The following PTPRK variants were observed in gnomAD, a reference collection of about 807,000 sequenced individuals.
PTPRK encodes the protein receptor-type tyrosine-protein phosphatase kappa.
In PTPRK, 75 loss-of-function variants were observed where a neutral mutation model predicts 178.0. The ratio of observed to expected loss-of-function variants is 0.42; its 90% CI spans 0.35 to 0.51. The LOEUF (loss-of-function observed/expected upper bound fraction) is 0.51. Among genes scored for constraint, PTPRK ranks in the 20% least tolerant of loss-of-function variants. The probability of loss-of-function intolerance (pLI) is 0.02; values close to 1 mark genes in which losing one functional copy is unlikely to be tolerated. For missense variants in PTPRK, 1,441 were observed against 1,797.8 expected, an observed-to-expected ratio of 0.80 and a Z score of 3.59; for synonymous variants, 637 against 620.6, an observed-to-expected ratio of 1.03 and a Z score of -0.39.
At chr6:128,215,473 T>C (rs965516554) in intron 6 of PTPRK, among the ~76,000 whole-genome samples, 3 of 152,230 alleles carry the variant, frequency 2.0e-5, no homozygotes, top group Non-Finnish European at 2.9e-5. Context: ...CTCATCTCTA[T>C]AAAAACTTCT....
intron 1 of PTPRK, among the ~76,000 whole-genome samples, chr6:128,410,772 A>G (rs1842215960): frequency 6.6e-6 from 1 of 152,120 alleles, no homozygotes; most frequent in African/African-American, 2.4e-5. Flanking sequence ...CTGGTGTAGA[A>G]GTCACAGGGG....
At position 128,337,906 on chromosome 6, in the gene PTPRK, G is replaced by T. The variant is rs184051500; in HGVS notation, c.224-15596C>A. 3.8e-3 allele frequency among the ~76,000 whole-genome samples: 586 copies of T among 152,238 alleles called. 2 individuals carry two copies. The highest frequency in any genetic ancestry group is 0.013 in the African/African-American group (546 of 41,550). On this transcript the variant is annotated intron_variant, in intron 2 of 29. Transcript: ENST00000368226. ...ATTTCAGGCAAAATAAACCACTTGT[G>T]CAAAGGACCTAGAAGAGGGCCAAGT...
chr6:128,427,193 C>A (rs938470134), intron 1 of PTPRK, among the ~76,000 whole-genome samples: 1 of 152,282 alleles, frequency 6.6e-6, no homozygotes, highest in African/African-American at 2.4e-5. Context: ...TGTGTGCATT[C>A]TCTCTCTTAA....
At chr6:128,278,597 A>T (rs1821166318) in intron 3 of PTPRK, among the ~76,000 whole-genome samples, 1 of 152,294 alleles carries the variant, frequency 6.6e-6, no homozygotes, top group East Asian at 1.9e-4. Context: ...ACTGGAAAAA[A>T]ATTGACTAAT....
rs549937941 is a variant in PTPRK at position 128,416,940 on chromosome 6, G to A, written c.101-19252C>T. Among the ~76,000 whole-genome samples the A allele has an allele frequency of 2.2e-3, 322 of 147,836 alleles. 2 individuals are homozygous for A. Among genetic ancestry groups the A allele is most frequent in the Middle Eastern group, 3.6e-3 (1 of 276 alleles). On this transcript the variant is annotated intron_variant, in intron 1 of 29. Transcript: ENST00000368226. ...GTTGTGCTATACACATAATTTTATG[G>A]ATATAATAATTATATATAATAAAAT...
intron 7 of PTPRK, among the ~76,000 whole-genome samples, chr6:128,175,329 A>G (rs574078951): frequency 6.6e-6 from 1 of 151,992 alleles, no homozygotes; most frequent in South Asian, 2.1e-4. Context: ...GCGCATTGAT[A>G]TAATACTTTC....
intron 1 of PTPRK, among the ~76,000 whole-genome samples, chr6:128,485,391 A>G (rs564535662): frequency 4.6e-5 from 7 of 152,322 alleles, no homozygotes; most frequent in South Asian, 4.1e-4. Flanking sequence ...TCTCATGCCA[A>G]TGTAGCCTTA....
At chr6:127,976,816 A>G in intron 26 of PTPRK, 34 bp from the exon 27 acceptor site, 2 of 1,609,394 alleles carry the variant, frequency 1.2e-6, no homozygotes. Flanking sequence ...AAAAAAAAAA[A>G]GAGTATTATT....
intron 1 of PTPRK, among the ~76,000 whole-genome samples, chr6:128,400,120 C>A (rs995523727): frequency 2.6e-5 from 4 of 151,900 alleles, no homozygotes; most frequent in African/African-American, 9.7e-5. Flanking sequence ...ATAAATGAGA[C>A]AAACTATGGG....
At chr6:128,343,559 C>T (rs1831981263) in intron 2 of PTPRK, among the ~76,000 whole-genome samples, 1 of 149,360 alleles carries the variant, frequency 6.7e-6, no homozygotes, top group Admixed American at 6.7e-5. Flanking sequence ...ATAAGAGTAT[C>T]ACAAGGCTTT....
intron 3 of PTPRK, among the ~76,000 whole-genome samples, chr6:128,311,897 T>TC (rs1285869295): frequency 6.6e-6 from 1 of 152,084 alleles, no homozygotes; most frequent in African/African-American, 2.4e-5. Flanking sequence ...TGACCAACAC[T>TC]CCTATCACAA....
intron 5 of PTPRK, among the ~76,000 whole-genome samples, chr6:128,222,593 G>A (rs1294178011): frequency 1.3e-5 from 2 of 152,030 alleles, no homozygotes; most frequent in Non-Finnish European, 2.9e-5. Flanking sequence ...GTTTCCTCTC[G>A]AATCATAACA....
At chr6:128,152,208 A>C (rs966165178) in intron 7 of PTPRK, among the ~76,000 whole-genome samples, 3 of 152,192 alleles carry the variant, frequency 2.0e-5, no homozygotes, top group East Asian at 3.9e-4. Flanking sequence ...ATCAAAGGGA[A>C]GATTTGTAGC....
Position 128,067,695 on chromosome 6 carries a change from C to A in PTPRK, c.1981G>T (p.Ala661Ser). ...CYQVPVTYQN[A>S]MSGGAPYYFA... ...TAATACGGTGCACCCCCACTCATGG[C>A]ATTTTGGTATGTGACAGGAACCTGG... is the stretch of plus-strand genomic sequence containing the variant. The change falls in exon 12 of 30, where the codon GCC (alanine) becomes TCC (serine). Residue 661 changes from alanine to serine, a missense_variant. Ala to Ser is a moderately conservative substitution (Grantham distance 99). This residue lies in a region of PTPRK where 945 missense variants were observed against 1,080.6 expected (regional missense o/e 0.87). Coordinates refer to ENST00000368226, the MANE Select transcript of PTPRK (RefSeq NM_002844.4). 1 of 1,613,828 alleles carries A rather than the reference C, an allele frequency of 6.2e-7. No individual in the cohort carries two copies. The highest frequency in any genetic ancestry group is 8.5e-7 in the Non-Finnish European group (1 of 1,179,818).
intron 7 of PTPRK, among the ~76,000 whole-genome samples, chr6:128,151,604 G>T (rs1204534377): frequency 6.6e-6 from 1 of 151,928 alleles, no homozygotes; most frequent in African/African-American, 2.4e-5. Flanking sequence ...CTATTTGTCA[G>T]AAGGTAGCAT....
chr6:128,495,940 G>C (rs762113250), intron 1 of PTPRK, among the ~76,000 whole-genome samples: 1 of 152,142 alleles, frequency 6.6e-6, no homozygotes, highest in Non-Finnish European at 1.5e-5. Context: ...CTCTTTGCTT[G>C]TATCTCCTGC....
chr6:127,999,036 T>G, intron 15 of PTPRK, 132 bp from the exon 16 acceptor site: 1 of 777,660 alleles, frequency 1.3e-6, no homozygotes. Flanking sequence ...GAAAGAAATA[T>G]CATACAGTAT....
At chr6:128,415,121 T>C (rs941657382) in intron 1 of PTPRK, among the ~76,000 whole-genome samples, 13 of 152,162 alleles carry the variant, frequency 8.5e-5, no homozygotes, top group African/African-American at 3.1e-4. Flanking sequence ...TTCAGAAGCA[T>C]ACGGCCTAGA....
chr6:128,117,045 C>T (rs575596269), intron 7 of PTPRK, among the ~76,000 whole-genome samples: 6 of 151,800 alleles, frequency 4.0e-5, no homozygotes, highest in East Asian at 1.9e-4. Flanking sequence ...GCTCGGGAGG[C>T]GGAGGCAGGA....
Sources: allele counts gnomAD v4.1 joint callset (sites outside exome capture counted in the v4.1 genomes callset), GRCh38; gene constraint gnomAD v4.1.1; regional missense constraint gnomAD v4.1.1; transcripts MANE v1.5; gene names NCBI Gene and HGNC (gene_info 2026-07-23, HGNC 2026-07-21).